Variants in BRD10 observed in about 807,000 individuals in gnomAD.
BRD10 encodes the protein uncharacterized bromodomain-containing protein 10.
the BRD10 span, among the ~76,000 whole-genome samples, chr9:5,991,312 C>A: frequency 2.0e-5 from 3 of 152,086 alleles, no homozygotes; most frequent in African/African-American, 7.2e-5. Context: ...TGTGTCTGTA[C>A]ACGCATGAGT....
chr9:5,901,575 G>A, the BRD10 span, among the ~76,000 whole-genome samples: 98 of 152,122 alleles, frequency 6.4e-4, no homozygotes, highest in African/African-American at 2.2e-3. Flanking sequence ...CTGGAGTGCA[G>A]TGGCTCAATC....
At chr9:5,965,908 T>C in the BRD10 span, among the ~76,000 whole-genome samples, 21 of 152,152 alleles carry the variant, frequency 1.4e-4, no homozygotes, top group South Asian at 2.1e-4. Flanking sequence ...GAAAATTACA[T>C]AAAACAAATG....
chr9:5,929,898 A>T, the BRD10 span, among the ~76,000 whole-genome samples: 1 of 152,188 alleles, frequency 6.6e-6, no homozygotes, highest in South Asian at 2.1e-4. Context: ...TTAAACCCGT[A>T]TCTGCCTGAT....
the BRD10 span, among the ~76,000 whole-genome samples, chr9:6,002,106 G>C: frequency 1.3e-5 from 2 of 152,286 alleles, no homozygotes; most frequent in South Asian, 4.1e-4. Flanking sequence ...ACACGTTTGA[G>C]ACTCATGGTT....
the BRD10 span, chr9:5,968,004 T>G: frequency 2.8e-6 from 4 of 1,415,418 alleles, no homozygotes; most frequent in Non-Finnish European, 3.8e-6. Context: ...CTCCCATCCA[T>G]TTGTGTTAGC....
the BRD10 span, among the ~76,000 whole-genome samples, chr9:5,935,084 T>A: frequency 9.0e-4 from 137 of 152,268 alleles, no homozygotes; most frequent in East Asian, 0.022. Context: ...AAGTGCTATT[T>A]TGACAGTATA....
At chr9:5,987,592 T>G in the BRD10 span, among the ~76,000 whole-genome samples, 1 of 152,188 alleles carries the variant, frequency 6.6e-6, no homozygotes, top group African/African-American at 2.4e-5. Context: ...AGGCTGAGTT[T>G]CAATCCTACA....
At chr9:5,913,356 C>G in the BRD10 span, among the ~76,000 whole-genome samples, 1 of 152,242 alleles carries the variant, frequency 6.6e-6, no homozygotes, top group East Asian at 1.9e-4. Flanking sequence ...TTTCACAGTT[C>G]AACAGTTACA....
the BRD10 span, among the ~76,000 whole-genome samples, chr9:5,998,070 G>A: frequency 6.6e-6 from 1 of 152,048 alleles, no homozygotes. Context: ...GCAATTTGGT[G>A]GATGGTCAAA....
chr9:6,004,549 A>C, the BRD10 span, among the ~76,000 whole-genome samples: 2 of 152,326 alleles, frequency 1.3e-5, no homozygotes, highest in East Asian at 3.8e-4. Flanking sequence ...CAGTATAGGG[A>C]ACGGCTTTAA....
At chr9:5,933,923 A>C in the BRD10 span, 1 of 457,122 alleles carries the variant, frequency 2.2e-6, no homozygotes, top group Non-Finnish European at 4.5e-6. Flanking sequence ...ATTCTATATT[A>C]AATGTCTCAT....
At chr9:5,994,282 T>G in the BRD10 span, among the ~76,000 whole-genome samples, 1 of 152,214 alleles carries the variant, frequency 6.6e-6, no homozygotes, top group African/African-American at 2.4e-5. Context: ...CATATATGAT[T>G]TATAAATAAA....
the BRD10 span, among the ~76,000 whole-genome samples, chr9:5,925,099 C>T: frequency 2.0e-5 from 3 of 152,106 alleles, no homozygotes; most frequent in East Asian, 3.9e-4. Flanking sequence ...TGGCTCATGC[C>T]TATAATCCCA....
the BRD10 span, chr9:5,945,020 G>T: frequency 3.9e-6 from 3 of 765,254 alleles, no homozygotes; most frequent in South Asian, 4.4e-5. Flanking sequence ...CCAAAATGTG[G>T]TAACAGAAGT....
At chr9:6,006,848 T>C in the BRD10 span, among the ~76,000 whole-genome samples, 2 of 152,224 alleles carry the variant, frequency 1.3e-5, no homozygotes, top group Non-Finnish European at 2.9e-5. Context: ...GCTAAAACTG[T>C]CTAAAAGTTG....
the BRD10 span, among the ~76,000 whole-genome samples, chr9:5,879,106 G>A: frequency 6.6e-6 from 1 of 152,306 alleles, no homozygotes; most frequent in East Asian, 1.9e-4. Context: ...GATGCTGGCT[G>A]AAATATTACA....
chr9:5,968,110 A>G, the BRD10 span: 1 of 1,571,652 alleles, frequency 6.4e-7, no homozygotes, highest in Non-Finnish European at 8.6e-7. Context: ...CAAGAGAATG[A>G]AGACCTTCAC....
the BRD10 span, among the ~76,000 whole-genome samples, chr9:5,947,464 A>T: frequency 6.6e-6 from 1 of 152,172 alleles, no homozygotes; most frequent in Non-Finnish European, 1.5e-5. Context: ...ATTGAATTAA[A>T]TGTACGATAA....
chr9:5,882,013 A>C, the BRD10 span, among the ~76,000 whole-genome samples: 1 of 152,216 alleles, frequency 6.6e-6, no homozygotes, highest in Non-Finnish European at 1.5e-5. Flanking sequence ...TGGTAGGATG[A>C]GAATATGAAC....
Sources: gnomAD v4.1 joint callset for allele counts (sites outside exome capture counted in the v4.1 genomes callset) on GRCh38, gnomAD v4.1.1 for gene constraint, MANE v1.5 for transcripts, NCBI Gene and HGNC (gene_info 2026-07-23, HGNC 2026-07-21) for gene names.